Variants in DMD observed in about 807,000 individuals in gnomAD.
DMD encodes the protein mutant dystrophin.
DMD carries 63 observed loss-of-function variants against 330.1 expected under a neutral mutation model. That is an observed-to-expected ratio of 0.19 (90% confidence interval 0.16 to 0.24). DMD has a LOEUF of 0.24. Among genes scored for constraint, DMD ranks in the 10% least tolerant of loss-of-function variants. DMD has a pLI of 1.00. For synonymous variants in DMD, 1,223 were observed against 959.8 expected (o/e 1.27, Z -5.07); for missense variants, 3,344 against 2,684.1 (o/e 1.25, Z -5.43).
At chrX:32,787,207 CTGTCAAG>C (rs1355050437) in intron 7 of DMD, among the ~76,000 whole-genome samples, 1 of 97,615 alleles carries the variant, frequency 1.0e-5, no homozygotes, top group Non-Finnish European at 2.0e-5. Context: ...ATCAATCTCT[CTGTCAAG>C]TGTGTGTGTG....
chrX:32,554,588 T>C (rs2525056), intron 16 of DMD, among the ~76,000 whole-genome samples: 20,735 of 108,059 alleles, frequency 0.19, 1,732 homozygotes, highest in East Asian at 0.4. Context: ...AATTGCTGAA[T>C]AGATCAATAA....
intron 44 of DMD, among the ~76,000 whole-genome samples, chrX:32,048,741 G>A (rs2096082549): frequency 9.0e-6 from 1 of 111,066 alleles, no homozygotes; most frequent in South Asian, 3.8e-4. Context: ...CCTGGTACCT[G>A]CAACAAAACC....
At chrX:32,791,131 C>T (rs1415951056) in intron 7 of DMD, among the ~76,000 whole-genome samples, 2 of 111,843 alleles carry the variant, frequency 1.8e-5, no homozygotes, top group African/African-American at 6.5e-5. Context: ...AACCTACATG[C>T]ACCATCTGCA....
intron 51 of DMD, among the ~76,000 whole-genome samples, chrX:31,761,639 G>A (rs1346752527): frequency 2.7e-5 from 3 of 111,754 alleles, no homozygotes; most frequent in East Asian, 5.6e-4. Flanking sequence ...TGATGCTAAC[G>A]GACATGTTTA....
intron 60 of DMD, among the ~76,000 whole-genome samples, chrX:31,404,905 A>T (rs2061343423): frequency 8.9e-6 from 1 of 112,262 alleles, no homozygotes; most frequent in South Asian, 3.6e-4. Flanking sequence ...CAGTGCAGAG[A>T]GTGCGAACAG....
At chrX:32,509,191 A>T (rs1314458170) in intron 18 of DMD, among the ~76,000 whole-genome samples, 2 of 21,091 alleles carry the variant, frequency 9.5e-5, no homozygotes, top group Non-Finnish European at 1.5e-4. Flanking sequence ...AAAAGTGTTA[A>T]AAAAAAAAAA....
chrX:33,217,411 T>C (rs1025676209), intron 1 of DMD, among the ~76,000 whole-genome samples: 2 of 111,809 alleles, frequency 1.8e-5, no homozygotes, highest in African/African-American at 6.5e-5. Context: ...CCAATTCCAT[T>C]AATACAGTAT....
intron 2 of DMD, among the ~76,000 whole-genome samples, chrX:32,982,953 C>T (rs868070916): frequency 8.9e-6 from 1 of 111,958 alleles, no homozygotes; most frequent in East Asian, 2.8e-4. Flanking sequence ...CCCAAATATG[C>T]CAGATTGGTA....
chrX:32,713,986 A>T (rs775967876), intron 7 of DMD, among the ~76,000 whole-genome samples: 1 of 112,257 alleles, frequency 8.9e-6, no homozygotes, highest in Non-Finnish European at 1.9e-5. Flanking sequence ...GTTCTATAAA[A>T]ACTAAAGTAC....
At chrX:32,996,814 C>CAAAA (rs765407106) in intron 2 of DMD, among the ~76,000 whole-genome samples, 6 of 81,758 alleles carry the variant, frequency 7.3e-5, no homozygotes, top group Admixed American at 5.4e-4. Flanking sequence ...AAGACTGTTT[C>CAAAA]AAAAAAAAAA....
intron 13 of DMD, among the ~76,000 whole-genome samples, chrX:32,581,129 A>G (rs1254505805): frequency 8.9e-6 from 1 of 112,497 alleles, no homozygotes; most frequent in Non-Finnish European, 1.9e-5. Context: ...CACGGGCTCC[A>G]AAAGGTATCT....
At chrX:31,308,759 C>T (rs2148154131) in intron 62 of DMD, among the ~76,000 whole-genome samples, 1 of 109,764 alleles carries the variant, frequency 9.1e-6, no homozygotes, top group South Asian at 4.0e-4. Flanking sequence ...GATGGAGTCT[C>T]AACTCTGTCG....
At chrX:32,356,943 G>A (rs898650680) in intron 37 of DMD, among the ~76,000 whole-genome samples, 2 of 111,320 alleles carry the variant, frequency 1.8e-5, no homozygotes, top group Admixed American at 1.9e-4. Flanking sequence ...AGGCTGGGGT[G>A]CAGTGGTGCG....
At chrX:33,238,364 A>G (rs913747634) in intron 1 of DMD, among the ~76,000 whole-genome samples, 6 of 112,088 alleles carry the variant, frequency 5.4e-5, no homozygotes, top group Non-Finnish European at 1.1e-4. Flanking sequence ...ATACCTACAT[A>G]ATACTGGGTT....
chrX:31,936,123 G>A (rs1018950759), intron 45 of DMD, among the ~76,000 whole-genome samples: 4 of 110,130 alleles, frequency 3.6e-5, no homozygotes, highest in Non-Finnish European at 7.6e-5. Flanking sequence ...AGATATATAG[G>A]GGTACCCTAT....
intron 51 of DMD, among the ~76,000 whole-genome samples, chrX:31,768,933 A>G (rs928805833): frequency 8.9e-6 from 1 of 112,301 alleles, no homozygotes; most frequent in African/African-American, 3.2e-5. Context: ...TATTCTTAAA[A>G]CTTAAAAAAA....
chrX:32,471,020 T>C (rs1186381582), intron 22 of DMD, among the ~76,000 whole-genome samples: 13 of 111,840 alleles, frequency 1.2e-4, no homozygotes, highest in African/African-American at 4.2e-4. Flanking sequence ...CTCACACCTG[T>C]AATCCCAGCA....
chrX:33,331,339 C>T (rs932888416), intron 1 of DMD, among the ~76,000 whole-genome samples: 1 of 111,606 alleles, frequency 9.0e-6, no homozygotes, highest in Non-Finnish European at 1.9e-5. Flanking sequence ...AAATGAGTCC[C>T]ACATCTCCCC....
chrX:32,538,127 T>C (rs1223132639), intron 17 of DMD, among the ~76,000 whole-genome samples: 1 of 111,974 alleles, frequency 8.9e-6, no homozygotes, highest in Non-Finnish European at 1.9e-5. Flanking sequence ...AACAGTAGCA[T>C]CCCTTAACCT....
Sources: gnomAD v4.1 joint callset for allele counts (sites outside exome capture counted in the v4.1 genomes callset) on GRCh38, gnomAD v4.1.1 for gene constraint, MANE v1.5 for transcripts, NCBI Gene and HGNC (gene_info 2026-07-23, HGNC 2026-07-21) for gene names.